Variants in PAX5 observed in about 807,000 individuals in gnomAD.
The protein encoded by PAX5 is paired box protein Pax-5.
In PAX5, 9 loss-of-function variants were observed where a neutral mutation model predicts 43.7. The ratio of observed to expected loss-of-function variants is 0.21; its 90% CI spans 0.12 to 0.36. The LOEUF is 0.36. Ranked by LOEUF, PAX5 falls within the 10% of genes least tolerant of loss-of-function variation. The pLI is 1.00. For missense variants in PAX5, 383 were observed against 532.7 expected, an observed-to-expected ratio of 0.72 and a Z score of 2.77; for synonymous variants, 228 against 214.3, an observed-to-expected ratio of 1.06 and a Z score of -0.56.
intron 7 of PAX5, among the ~76,000 whole-genome samples, chr9:36,891,453 T>C (rs1298505934): frequency 6.6e-6 from 1 of 152,142 alleles, no homozygotes; most frequent in Non-Finnish European, 1.5e-5. Flanking sequence ...TTCCAGCTGG[T>C]GTTGGAAATG....
chr9:36,980,322 T>C (rs1292479277), intron 5 of PAX5, among the ~76,000 whole-genome samples: 2 of 152,150 alleles, frequency 1.3e-5, no homozygotes, highest in African/African-American at 2.4e-5. Flanking sequence ...AACACACTAA[T>C]GGACTTCCCT....
intron 7 of PAX5, among the ~76,000 whole-genome samples, chr9:36,895,587 C>A (rs546879446): frequency 1.9e-3 from 285 of 152,326 alleles, no homozygotes; most frequent in African/African-American, 6.7e-3. Context: ...AGACTCAATG[C>A]ATGTAAAGCA....
At chr9:36,878,202 G>A (rs1826092934) in intron 8 of PAX5, among the ~76,000 whole-genome samples, 1 of 152,188 alleles carries the variant, frequency 6.6e-6, no homozygotes, top group South Asian at 2.1e-4. Context: ...ACCAGGTTTG[G>A]GGAGATTTGT....
intron 6 of PAX5, among the ~76,000 whole-genome samples, chr9:36,933,298 G>A (rs1831275599): frequency 6.6e-6 from 1 of 152,198 alleles, no homozygotes; most frequent in Admixed American, 6.5e-5. Flanking sequence ...AAGAAGCCAA[G>A]GACAGCCAGG....
At chr9:37,009,272 T>C (rs1211141691) in intron 3 of PAX5, among the ~76,000 whole-genome samples, 1 of 152,208 alleles carries the variant, frequency 6.6e-6, no homozygotes, top group Non-Finnish European at 1.5e-5. Context: ...CCCATCCCTC[T>C]TACAATTTAC....
chr9:37,029,729 C>T (rs949663836), intron 1 of PAX5, among the ~76,000 whole-genome samples: 1 of 152,182 alleles, frequency 6.6e-6, no homozygotes, highest in Admixed American at 6.5e-5. Context: ...CAGCCAGTGA[C>T]ACCCCCACCC....
At chr9:37,023,936 A>G (rs1840072327) in intron 1 of PAX5, among the ~76,000 whole-genome samples, 1 of 152,190 alleles carries the variant, frequency 6.6e-6, no homozygotes, top group Non-Finnish European at 1.5e-5. Context: ...AGAGCTTTGC[A>G]TATGTGTATA....
intron 1 of PAX5, among the ~76,000 whole-genome samples, chr9:37,022,920 T>C (rs910268631): frequency 2.6e-5 from 4 of 152,118 alleles, no homozygotes; most frequent in African/African-American, 9.7e-5. Flanking sequence ...CCCTTGGCCT[T>C]CTCCACCATC....
chr9:36,966,254 CT>C (rs1432070577), intron 6 of PAX5, among the ~76,000 whole-genome samples: 3 of 152,228 alleles, frequency 2.0e-5, no homozygotes, highest in Admixed American at 2.0e-4. Context: ...TCATTACACC[CT>C]TCTGTCCAAA....
chr9:36,879,490 G>A (rs1826212505), intron 8 of PAX5, among the ~76,000 whole-genome samples: 1 of 152,156 alleles, frequency 6.6e-6, no homozygotes, highest in East Asian at 1.9e-4. Flanking sequence ...CAGATAAGCT[G>A]GAGTTGACTG....
intron 6 of PAX5, among the ~76,000 whole-genome samples, chr9:36,929,742 T>TG (rs1830970986): frequency 6.6e-6 from 1 of 152,200 alleles, no homozygotes; most frequent in South Asian, 2.1e-4. Flanking sequence ...AATCTTTCTT[T>TG]TTGAGACAGA....
chr9:36,967,293 C>T (rs146217035), intron 5 of PAX5, among the ~76,000 whole-genome samples: 12 of 152,296 alleles, frequency 7.9e-5, no homozygotes, highest in South Asian at 4.1e-4. Context: ...CTAGACAAGT[C>T]GACAAATCTA....
intron 6 of PAX5, 146 bp downstream of exon 6, chr9:36,966,403 A>G: frequency 2.5e-6 from 2 of 789,112 alleles, no homozygotes; most frequent in Non-Finnish European, 3.9e-6. Context: ...CGACTGCCCA[A>G]GTTTGGCCAA....
At chr9:36,902,177 G>A (rs547297863) in intron 7 of PAX5, among the ~76,000 whole-genome samples, 89 of 152,242 alleles carry the variant, frequency 5.8e-4, no homozygotes, top group African/African-American at 1.9e-3. Flanking sequence ...AAGCGGTGGC[G>A]GTGGAATTCT....
chr9:36,952,234 C>CTTTTTTTTTTTTTTTTTTT (rs138009049), intron 6 of PAX5, among the ~76,000 whole-genome samples: 2 of 66,626 alleles, frequency 3.0e-5, no homozygotes, highest in Non-Finnish European at 5.1e-5. Flanking sequence ...GACCATCTCC[C>CTTTTTTTTTTTTTTTTTTT]TTTTTTTTTT....
At chr9:36,951,232 A>G (rs1185324495) in intron 6 of PAX5, among the ~76,000 whole-genome samples, 2 of 152,194 alleles carry the variant, frequency 1.3e-5, no homozygotes, top group East Asian at 3.8e-4. Flanking sequence ...TGTCTATTCT[A>G]TTAAGCTTGT....
At chr9:37,008,876 A>G (rs1243305755) in intron 3 of PAX5, among the ~76,000 whole-genome samples, 2 of 152,180 alleles carry the variant, frequency 1.3e-5, no homozygotes, top group African/African-American at 4.8e-5. Context: ...CAGTTCTGGG[A>G]GTGAGGTTCT....
At chr9:36,977,553 G>A (rs544420070) in intron 5 of PAX5, among the ~76,000 whole-genome samples, 1 of 152,010 alleles carries the variant, frequency 6.6e-6, no homozygotes, top group Non-Finnish European at 1.5e-5. Context: ...TTGTGAGATG[G>A]AGTCTCACCC....
chr9:36,846,981 C>T, intron 8 of PAX5, 52 bp from the exon 9 acceptor site: 1 of 1,331,838 alleles, frequency 7.5e-7, no homozygotes, highest in Non-Finnish European at 1.1e-6. Context: ...AAATCCAGTT[C>T]AGAAAAGGCC....
Sources: gnomAD v4.1 joint callset for allele counts (sites outside exome capture counted in the v4.1 genomes callset) on GRCh38, gnomAD v4.1.1 for gene constraint, MANE v1.5 for transcripts, NCBI Gene and HGNC (gene_info 2026-07-23, HGNC 2026-07-21) for gene names.